SPOP: variants seen among roughly 807,000 people sequenced by gnomAD.
SPOP encodes the protein speckle-type POZ protein.
A neutral mutation model predicts 45.6 loss-of-function variants in SPOP; 11 were observed. The observed-to-expected ratio is 0.24, with a 90% CI of 0.15 to 0.40. The LOEUF is 0.40. Among genes scored for constraint, SPOP ranks in the 10% least tolerant of loss-of-function variants. The pLI, the probability that SPOP is intolerant of heterozygous loss-of-function variation, is 1.00. For synonymous variants in SPOP, 166 were observed against 166.3 expected, an observed-to-expected ratio of 1.00 and a Z score of 0.01; for missense variants, 152 against 465.6, an observed-to-expected ratio of 0.33 and a Z score of 6.20.
chr17:49,616,057 G>GA (rs2072078881), intron 5 of SPOP, among the ~76,000 whole-genome samples: 1 of 152,156 alleles, frequency 6.6e-6, no homozygotes, highest in South Asian at 2.1e-4. Flanking sequence ...ACTGAGAACT[G>GA]AAAGTGATCT....
intron 1 of SPOP, among the ~76,000 whole-genome samples, chr17:49,669,366 C>A (rs1311245507): frequency 1.4e-5 from 2 of 147,944 alleles, no homozygotes; most frequent in Non-Finnish European, 3.0e-5. Flanking sequence ...CACGCCCAGC[C>A]TAAGATATTT....
intron 1 of SPOP, among the ~76,000 whole-genome samples, chr17:49,641,806 G>A (rs2072657203): frequency 6.6e-6 from 1 of 152,116 alleles, no homozygotes; most frequent in Non-Finnish European, 1.5e-5. Flanking sequence ...TGGATCACCT[G>A]AGGTGAGGAG....
intron 1 of SPOP, among the ~76,000 whole-genome samples, chr17:49,667,061 C>T (rs1297178317): frequency 6.6e-6 from 1 of 150,988 alleles, no homozygotes; most frequent in Non-Finnish European, 1.5e-5. Flanking sequence ...GCCTATAATC[C>T]CAGCTACTCG....
At chr17:49,629,514 G>A (rs1408548535) in intron 1 of SPOP, among the ~76,000 whole-genome samples, 2 of 152,118 alleles carry the variant, frequency 1.3e-5, no homozygotes, top group African/African-American at 2.4e-5. Flanking sequence ...TCTACAAGAG[G>A]AGAAAGCCTT....
chr17:49,649,805 G>A (rs897636537), intron 1 of SPOP, among the ~76,000 whole-genome samples: 1 of 151,920 alleles, frequency 6.6e-6, no homozygotes, highest in Admixed American at 6.6e-5. Flanking sequence ...CTCCAGCCTG[G>A]GCGACAGAGA....
In SPOP at chr17:49,619,397, A is replaced by AGAT; in HGVS notation, c.201-15_201-13dup. The AGAT allele has an allele frequency of 6.3e-7, 1 of 1,589,596 alleles. No homozygotes were observed. Among genetic ancestry groups the AGAT allele is most frequent in the Non-Finnish European group, 8.5e-7 (1 of 1,171,020 alleles). Reference sequence around the variant, plus strand: ...TTACTCGCAAACACCTGTCCAAAACAGATAGAAAAAAAAAATGTCAAAAGC... The same window carrying AGAT: ...TTACTCGCAAACACCTGTCCAAAACAGATGATAGAAAAAAAAAATGTCAAAAGC... On this transcript the variant is annotated splice_polypyrimidine_tract_variant and intron_variant, in intron 3 of 9. Transcript: ENST00000504102. This position sits in a 1 kb window ranked among gnomAD's most constrained non-coding sequence, Gnocchi z 4.9.
chr17:49,662,248 GA>G (rs1308319836), intron 1 of SPOP, among the ~76,000 whole-genome samples: 10 of 151,984 alleles, frequency 6.6e-5, no homozygotes, highest in Non-Finnish European at 1.5e-5. Flanking sequence ...TCAAGTGCTT[GA>G]AAAAAATGTT....
intron 1 of SPOP, among the ~76,000 whole-genome samples, chr17:49,632,016 A>C (rs145034095): frequency 1.5e-3 from 228 of 152,314 alleles, no homozygotes; most frequent in Non-Finnish European, 2.7e-3. Flanking sequence ...AAGCTCAACG[A>C]GAATAGTATC....
intron 1 of SPOP, among the ~76,000 whole-genome samples, chr17:49,629,583 A>G (rs1248268989): frequency 6.6e-6 from 1 of 152,216 alleles, no homozygotes; most frequent in African/African-American, 2.4e-5. Context: ...ACTCTTGCAT[A>G]ATCAGAATTC....
At chr17:49,651,895 T>C (rs1370057880) in intron 1 of SPOP, among the ~76,000 whole-genome samples, 1 of 151,994 alleles carries the variant, frequency 6.6e-6, no homozygotes, top group Non-Finnish European at 1.5e-5. Context: ...GGCGGGCGCC[T>C]GTAATCCCAG....
intron 1 of SPOP, among the ~76,000 whole-genome samples, chr17:49,668,796 C>CG (rs1027784233): frequency 5.1e-5 from 7 of 137,346 alleles, no homozygotes; most frequent in African/African-American, 1.1e-4. Context: ...TTTTTTGAGA[C>CG]GGAGTCTCTC....
Position 49,622,050 on chromosome 17 carries a change from G to A in SPOP, c.96C>T (p.Phe32=), listed in dbSNP as rs2072230577. ...WCYTQIKVVK[F]SYMWTINNFS... ...AGTTATTGATGGTCCACATGTAGGA[G>A]AATTTCACTACCTTGATCTGTTGAT... The change falls in exon 3 of 10, where the codon TTC becomes TTT. Residue 32 remains phenylalanine, a synonymous_variant. Coordinates refer to ENST00000504102, the MANE Select transcript of SPOP (RefSeq NM_001007228.2). 6.2e-7 allele frequency: 1 copy of A among 1,613,854 alleles called. No homozygotes were observed.
chr17:49,611,966 T>C lies in SPOP; in HGVS notation c.481-509A>G, dbSNP rs147101923. ...AGCATGATCATGGCTCACTGCAGCG[T>C]TGACCTCCCAGGCTCAAGTGATCCT... On this transcript the variant is annotated intron_variant, in intron 5 of 9. Coordinates refer to ENST00000504102, the MANE Select transcript of SPOP (RefSeq NM_001007228.2). Among the ~76,000 whole-genome samples, 19 of 151,986 alleles carry C rather than the reference T, an allele frequency of 1.3e-4. No homozygotes were observed. In the East Asian group the frequency reaches 3.5e-3, roughly 28 times the overall value.
Position 49,642,183 on chromosome 17 carries a change from A to G in SPOP, c.-66-19307T>C, listed in dbSNP as rs573620842. Among the ~76,000 whole-genome samples the G allele has an allele frequency of 2.7e-4, 41 of 152,298 alleles. 1 individual carries two copies. In the South Asian group the frequency reaches 7.3e-3, roughly 27 times the overall value. On this transcript the variant is annotated intron_variant, in intron 1 of 9. Transcript: ENST00000504102. ...GATAAAGATTGAGTACTTACTATAT[A>G]TACTATTTAAGTTTGTAAAAAGTGA...
chr17:49,659,637 G>C (rs1727859001), intron 1 of SPOP, among the ~76,000 whole-genome samples: 1 of 152,122 alleles, frequency 6.6e-6, no homozygotes, highest in Admixed American at 6.5e-5. Context: ...TGTCCTACAT[G>C]ATGTTATTTA....
chr17:49,639,271 T>C (rs1016658401), intron 1 of SPOP, among the ~76,000 whole-genome samples: 4 of 152,162 alleles, frequency 2.6e-5, no homozygotes, highest in Non-Finnish European at 4.4e-5. Context: ...ATTTAAAGCA[T>C]CTGACAAAAC....
intron 1 of SPOP, among the ~76,000 whole-genome samples, chr17:49,628,209 C>T (rs1375836665): frequency 6.6e-6 from 1 of 152,192 alleles, no homozygotes; most frequent in African/African-American, 2.4e-5. Context: ...CAAAGCTTAC[C>T]AAACTTTCTA....
At chr17:49,678,128 G>C, upstream of SPOP, 1 of 395,164 alleles carries the variant, frequency 2.5e-6, no homozygotes, top group East Asian at 3.6e-5. Context: ...CAGCCAGCGC[G>C]TACCGCCAGA....
Position 49,601,969 on chromosome 17 carries a change from G to A in SPOP, c.876C>T (p.Ala292=). ...TCTCCACGGACAGGTTACTGCAGAG[G>A]GCATCCTCACACATGACCTTTAAGC... ...LERLKVMCED[A]LCSNLSVENA... Residue 292 remains alanine, a synonymous_variant, in exon 9 of 10, where the codon GCC becomes GCT. Coordinates refer to ENST00000504102, the MANE Select transcript of SPOP (RefSeq NM_001007228.2). The A allele has an allele frequency of 6.2e-7, 1 of 1,614,094 alleles. No individual in the cohort carries two copies. The highest frequency in any genetic ancestry group is 1.1e-5 in the South Asian group (1 of 91,086).
Sources: gnomAD v4.1 joint callset for allele counts (sites outside exome capture counted in the v4.1 genomes callset) on GRCh38, gnomAD v4.1.1 for gene constraint, Gnocchi (gnomAD v3.1) non-coding constraint, MANE v1.5 for transcripts, NCBI Gene and HGNC (gene_info 2026-07-23, HGNC 2026-07-21) for gene names.